The following FARS2 variants were observed in gnomAD, a reference collection of about 807,000 sequenced individuals.
The protein encoded by FARS2 is phenylalanine--tRNA ligase, mitochondrial.
Under a neutral mutation model 46.4 loss-of-function variants are expected in FARS2, and 40 were observed. The ratio of observed to expected loss-of-function variants is 0.86; its 90% CI spans 0.67 to 1.12. The LOEUF (loss-of-function observed/expected upper bound fraction) is 1.12. Ranked by LOEUF, FARS2 falls within the 50% of genes most tolerant of loss-of-function variation. The pLI, the probability that FARS2 is intolerant of heterozygous loss-of-function variation, is 0.00. For missense variants in FARS2, 513 were observed against 567.9 expected (o/e 0.90, Z 0.98); for synonymous variants, 234 against 214.9 (o/e 1.09, Z -0.78).
intron 4 of FARS2, among the ~76,000 whole-genome samples, chr6:5,449,348 A>G (rs1163058598): frequency 4.7e-5 from 3 of 63,214 alleles, no homozygotes; most frequent in Non-Finnish European, 9.2e-5. Context: ...GTAAGACTCC[A>G]TCTCAAAAAA....
intron 6 of FARS2, among the ~76,000 whole-genome samples, chr6:5,738,847 C>T (rs975228649): frequency 4.0e-5 from 6 of 151,880 alleles, no homozygotes; most frequent in African/African-American, 2.4e-5. Flanking sequence ...GTATCGTTGT[C>T]GGTTTTTTTC....
chr6:5,608,840 G>A (rs1775000145), intron 5 of FARS2, among the ~76,000 whole-genome samples: 1 of 151,678 alleles, frequency 6.6e-6, no homozygotes, highest in Admixed American at 6.6e-5. Context: ...ACACTCTTGG[G>A]GAAAATTTAC....
intron 6 of FARS2, among the ~76,000 whole-genome samples, chr6:5,717,106 T>A (rs1174868093): frequency 6.6e-6 from 1 of 152,160 alleles, no homozygotes; most frequent in African/African-American, 2.4e-5. Flanking sequence ...CAGGGCCCCT[T>A]CAGAAATGGG....
chr6:5,415,977 G>A (rs1171746715), intron 3 of FARS2, among the ~76,000 whole-genome samples: 1 of 152,188 alleles, frequency 6.6e-6, no homozygotes, highest in Non-Finnish European at 1.5e-5. Context: ...AAAGTGCTGG[G>A]ATTACAGGTG....
At chr6:5,455,151 G>A (rs1038148446) in intron 4 of FARS2, among the ~76,000 whole-genome samples, 3 of 151,916 alleles carry the variant, frequency 2.0e-5, no homozygotes, top group Non-Finnish European at 2.9e-5. Context: ...TTCCTTTTCC[G>A]GTTTTCATTC....
chr6:5,369,661 C>G (rs1453570987), intron 2 of FARS2, among the ~76,000 whole-genome samples: 1 of 152,166 alleles, frequency 6.6e-6, no homozygotes, highest in Non-Finnish European at 1.5e-5. Context: ...TAAACTGTGT[C>G]TTGTCCCCAG....
rs181448999 is a variant in FARS2 at position 5,732,291 on chromosome 6, C to T, written c.1218-39000C>T. Among the ~76,000 whole-genome samples the T allele has an allele frequency of 1.7e-3, 252 of 152,154 alleles. 2 individuals are homozygous for T. Among genetic ancestry groups the T allele is most frequent in the African/African-American group, 5.7e-3 (236 of 41,512 alleles). ...AGAGAGGTACGTGTCGGTGATATGG[C>T]GGTGCACACTCTAGCCCTCCATGGA... On this transcript the variant is annotated intron_variant, in intron 6 of 6. Transcript: ENST00000274680.
intron 3 of FARS2, among the ~76,000 whole-genome samples, chr6:5,406,812 A>G (rs1761627765): frequency 6.6e-6 from 1 of 151,542 alleles, no homozygotes; most frequent in African/African-American, 2.4e-5. Context: ...AAAACTGCTA[A>G]GCTATTATCT....
intron 4 of FARS2, among the ~76,000 whole-genome samples, chr6:5,488,570 A>T (rs1766913708): frequency 6.6e-6 from 1 of 152,040 alleles, no homozygotes; most frequent in Non-Finnish European, 1.5e-5. Context: ...AGTGCTGAAG[A>T]AAATATTGTA....
At chr6:5,332,702 A>G (rs1770879646) in intron 1 of FARS2, among the ~76,000 whole-genome samples, 1 of 152,254 alleles carries the variant, frequency 6.6e-6, no homozygotes, top group Non-Finnish European at 1.5e-5. Context: ...CAGAGGAAAC[A>G]AATAAAACAA....
chr6:5,423,972 T>C (rs995388904), intron 3 of FARS2, among the ~76,000 whole-genome samples: 2 of 152,204 alleles, frequency 1.3e-5, no homozygotes, highest in African/African-American at 4.8e-5. Context: ...CTCTTCCTTA[T>C]GACTGCCAGC....
At chr6:5,754,783 GC>G (rs1261971812) in intron 6 of FARS2, among the ~76,000 whole-genome samples, 2 of 152,166 alleles carry the variant, frequency 1.3e-5, no homozygotes, top group African/African-American at 4.8e-5. Flanking sequence ...CTTTGTTGTT[GC>G]TTTGTAAGTC....
intron 6 of FARS2, among the ~76,000 whole-genome samples, chr6:5,669,424 A>T (rs1229723035): frequency 1.3e-5 from 2 of 151,546 alleles, no homozygotes; most frequent in African/African-American, 4.8e-5. Context: ...TGTTTTAAAA[A>T]TTAAGCACCA....
At chr6:5,709,697 T>TGTGTGTGTGCGC (rs148741094) in intron 6 of FARS2, among the ~76,000 whole-genome samples, 13 of 91,502 alleles carry the variant, frequency 1.4e-4, no homozygotes, top group Non-Finnish European at 2.2e-4. Flanking sequence ...TGTGTGTGTG[T>TGTGTGTGTGCGC]GCGCATGCAC....
Position 5,404,632 on chromosome 6 carries a change from G to A in FARS2, c.703G>A (p.Ala235Thr), listed in dbSNP as rs1450307326. Residue 235 changes from alanine (A) to threonine (T), a missense_variant, in exon 3 of 7, where the codon GCC becomes ACC. Coordinates refer to ENST00000274680, the MANE Select transcript of FARS2 (RefSeq NM_006567.5). ...TAAACAAGAGACACACACCATGGAG[G>A]CCGTGAAGCTTGTAGAGTTTGATCT... Reference protein sequence around the residue: ...AHKQETHTMEAVKLVEFDLKQ... With the variant: ...AHKQETHTMETVKLVEFDLKQ... 1.9e-6 allele frequency: 3 copies of A among 1,613,060 alleles called. No homozygotes were observed. The highest frequency in any genetic ancestry group is 2.5e-6 in the Non-Finnish European group (3 of 1,179,366).
At chr6:5,383,676 C>T (rs1320662555) in intron 2 of FARS2, among the ~76,000 whole-genome samples, 1 of 152,164 alleles carries the variant, frequency 6.6e-6, no homozygotes, top group Non-Finnish European at 1.5e-5. Context: ...GTTGTCTCCT[C>T]CTTTTGTGTT....
intron 1 of FARS2, among the ~76,000 whole-genome samples, chr6:5,327,328 T>C (rs550107055): frequency 5.7e-4 from 87 of 152,336 alleles, no homozygotes; most frequent in African/African-American, 2.0e-3. Flanking sequence ...GGCTATACTA[T>C]AGATTTTGGA....
intron 1 of FARS2, among the ~76,000 whole-genome samples, chr6:5,364,718 T>C (rs1383505405): frequency 6.6e-6 from 1 of 152,166 alleles, no homozygotes; most frequent in African/African-American, 2.4e-5. Context: ...GTTGCTGTGT[T>C]CCAACAAACT....
chr6:5,485,954 C>T (rs1582242205), intron 4 of FARS2, among the ~76,000 whole-genome samples: 1 of 152,216 alleles, frequency 6.6e-6, no homozygotes, highest in Admixed American at 6.5e-5. Context: ...GAAGTTCCGT[C>T]GGGCAGCCCT....
Sources: allele counts gnomAD v4.1 joint callset (sites outside exome capture counted in the v4.1 genomes callset), GRCh38; gene constraint gnomAD v4.1.1; transcripts MANE v1.5; gene names NCBI Gene and HGNC (gene_info 2026-07-23, HGNC 2026-07-21).